ZCCHC7: variants seen among roughly 807,000 people sequenced by gnomAD.
The protein encoded by ZCCHC7 is zinc finger CCHC-type containing 7, also known as zinc finger CCHC domain-containing protein 7.
Under a neutral mutation model 52.0 loss-of-function variants are expected in ZCCHC7, and 35 were observed. The observed-to-expected ratio is 0.67, with a 90% CI of 0.51 to 0.89. The LOEUF is 0.89. ZCCHC7 is among the 40% of genes least tolerant of loss of function. The pLI, the probability that ZCCHC7 is intolerant of heterozygous loss-of-function variation, is 0.00. For synonymous variants in ZCCHC7, 217 were observed against 221.5 expected (o/e 0.98, Z 0.18); for missense variants, 574 against 649.1 (o/e 0.88, Z 1.26).
intron 3 of ZCCHC7, among the ~76,000 whole-genome samples, chr9:37,303,534 G>A (rs777936234): frequency 1.3e-5 from 2 of 150,012 alleles, no homozygotes; most frequent in East Asian, 3.9e-4. Flanking sequence ...TGAAACATAA[G>A]TAGAGAAAGA....
At chr9:37,205,109 T>C in intron 2 of ZCCHC7, 1 of 179,646 alleles carries the variant, frequency 5.6e-6, no homozygotes, top group Non-Finnish European at 1.2e-5. Context: ...TAACCCCATC[T>C]TAAGTGTGCT....
chr9:37,244,593 T>C (rs977517502), intron 2 of ZCCHC7, among the ~76,000 whole-genome samples: 12 of 151,904 alleles, frequency 7.9e-5, no homozygotes, highest in Admixed American at 1.3e-4. Flanking sequence ...GGGTGAATAA[T>C]AATGAATTAT....
chr9:37,176,860 G>C (rs1822060976), intron 2 of ZCCHC7, among the ~76,000 whole-genome samples: 1 of 152,178 alleles, frequency 6.6e-6, no homozygotes, highest in Non-Finnish European at 1.5e-5. Context: ...TATGAATTCT[G>C]TAAATGGGAA....
intron 2 of ZCCHC7, among the ~76,000 whole-genome samples, chr9:37,196,010 G>T (rs190162596): frequency 2.0e-5 from 3 of 152,178 alleles, no homozygotes. Flanking sequence ...AGTTTTAGAT[G>T]TGTAGAGTTT....
chr9:37,275,436 T>C (rs894265902), intron 2 of ZCCHC7, among the ~76,000 whole-genome samples: 1 of 152,072 alleles, frequency 6.6e-6, no homozygotes, highest in Non-Finnish European at 1.5e-5. Context: ...TTTTGTTTTT[T>C]AGTTGATGTG....
chr9:37,234,816 AT>A (rs1825567195), intron 2 of ZCCHC7, among the ~76,000 whole-genome samples: 1 of 152,222 alleles, frequency 6.6e-6, no homozygotes, highest in South Asian at 2.1e-4. Flanking sequence ...GCTTTTCATT[AT>A]AACTTTATGA....
intron 5 of ZCCHC7, among the ~76,000 whole-genome samples, chr9:37,314,728 A>G (rs962106876): frequency 5.4e-5 from 8 of 149,184 alleles, no homozygotes; most frequent in Non-Finnish European, 1.2e-4. Flanking sequence ...CCTGGGCAAC[A>G]TAGCAAGACC....
intron 2 of ZCCHC7, among the ~76,000 whole-genome samples, chr9:37,256,032 G>A (rs971887760): frequency 6.1e-4 from 93 of 152,108 alleles, no homozygotes; most frequent in Non-Finnish European, 1.0e-3. Context: ...AGTAGGTGAC[G>A]TTTTAATAAG....
rs1055191787 is a variant in ZCCHC7, at chr9:37,303,150, C to T, written c.654+919C>T. Among the ~76,000 whole-genome samples, 5 of 152,010 alleles carry T rather than the reference C, an allele frequency of 3.3e-5. No homozygotes were observed. The South Asian group carries it at 6.2e-4, about 19-fold the overall frequency. On this transcript the variant is annotated intron_variant, in intron 3 of 8. Transcript: ENST00000336755. Reference sequence around the variant, plus strand: ...TAGAAATCAGCAGTGGCTGGCCGGGCGTGGTGGCTCACACCTGTAATCCCA... The same window carrying T: ...TAGAAATCAGCAGTGGCTGGCCGGGTGTGGTGGCTCACACCTGTAATCCCA...
chr9:37,131,472 C>T (rs962353882), intron 2 of ZCCHC7, among the ~76,000 whole-genome samples: 2 of 151,964 alleles, frequency 1.3e-5, no homozygotes, highest in Non-Finnish European at 2.9e-5. Flanking sequence ...ATGGTGAAAC[C>T]CCGTCTCTAC....
chr9:37,228,919 T>G (rs912685362), intron 2 of ZCCHC7, among the ~76,000 whole-genome samples: 4 of 143,974 alleles, frequency 2.8e-5, no homozygotes, highest in African/African-American at 1.0e-4. Context: ...CACTGCAACC[T>G]CTGCCTCCCA....
At chr9:37,163,897 GATATC>G (rs1157207117) in intron 2 of ZCCHC7, among the ~76,000 whole-genome samples, 4 of 152,094 alleles carry the variant, frequency 2.6e-5, no homozygotes, top group African/African-American at 9.7e-5. Flanking sequence ...TTTATATGGA[GATATC>G]TAACTTCTAG....
intron 2 of ZCCHC7, among the ~76,000 whole-genome samples, chr9:37,164,509 G>A (rs115680876): frequency 0.05 from 7,424 of 149,642 alleles, 624 homozygotes; most frequent in African/African-American, 0.17. Context: ...AGACAGACAA[G>A]ATAGATAGAC....
chr9:37,348,511 C>T (rs527463858), intron 6 of ZCCHC7, among the ~76,000 whole-genome samples: 2 of 152,204 alleles, frequency 1.3e-5, no homozygotes, highest in South Asian at 4.2e-4. Context: ...TCTGAAGTAG[C>T]TGGGACTACA....
At chr9:37,310,636 A>C (rs1195347791) in intron 5 of ZCCHC7, among the ~76,000 whole-genome samples, 1 of 152,208 alleles carries the variant, frequency 6.6e-6, no homozygotes, top group Non-Finnish European at 1.5e-5. Flanking sequence ...GAGAAAGCTT[A>C]CATATTGGCA....
intron 2 of ZCCHC7, among the ~76,000 whole-genome samples, chr9:37,218,812 T>C (rs1824655724): frequency 6.6e-6 from 1 of 151,320 alleles, no homozygotes; most frequent in Admixed American, 6.6e-5. Flanking sequence ...CCTCCAAAAA[T>C]AAAAATAAAA....
chr9:37,328,602 AATAT>A (rs1377199018), intron 6 of ZCCHC7, among the ~76,000 whole-genome samples: 1 of 150,250 alleles, frequency 6.7e-6, no homozygotes, highest in Non-Finnish European at 1.5e-5. Context: ...TATATAACAT[AATAT>A]ATATTAATTA....
chr9:37,187,391 G>T (rs539682567), intron 2 of ZCCHC7, among the ~76,000 whole-genome samples: 3 of 152,340 alleles, frequency 2.0e-5, no homozygotes, highest in African/African-American at 7.2e-5. Flanking sequence ...TAGGGTTCAT[G>T]CTCCTATGAG....
At chr9:37,255,284 G>C (rs1009174841) in intron 2 of ZCCHC7, among the ~76,000 whole-genome samples, 1 of 152,066 alleles carries the variant, frequency 6.6e-6, no homozygotes, top group Non-Finnish European at 1.5e-5. Context: ...GGTGAATAAT[G>C]TAGGCATTGT....
Sources: gnomAD v4.1 joint callset for allele counts (sites outside exome capture counted in the v4.1 genomes callset) on GRCh38, gnomAD v4.1.1 for gene constraint, MANE v1.5 for transcripts, NCBI Gene and HGNC (gene_info 2026-07-23, HGNC 2026-07-21) for gene names.